PARD3: variants seen among roughly 807,000 people sequenced by gnomAD.
The protein encoded by PARD3 is partitioning defective 3 homolog.
A neutral mutation model predicts 155.4 loss-of-function variants in PARD3; 75 were observed. The observed-to-expected ratio is 0.48, with a 90% CI of 0.40 to 0.58. The LOEUF (loss-of-function observed/expected upper bound fraction) is 0.58. Ranked by LOEUF, PARD3 falls within the 20% of genes least tolerant of loss-of-function variation. PARD3 has a pLI of 0.00. For missense variants in PARD3, 1,642 were observed against 1,721.7 expected (o/e 0.95, Z 0.82); for synonymous variants, 576 against 610.5 (o/e 0.94, Z 0.83).
intron 2 of PARD3, among the ~76,000 whole-genome samples, chr10:34,587,931 G>A (rs1446260968): frequency 6.6e-6 from 1 of 152,162 alleles, no homozygotes; most frequent in Non-Finnish European, 1.5e-5. Context: ...CACAATAGGT[G>A]TCTTGCTCTG....
chr10:34,411,336 A>AT (rs1201465683), intron 5 of PARD3, among the ~76,000 whole-genome samples: 4 of 152,198 alleles, frequency 2.6e-5, no homozygotes, highest in Non-Finnish European at 4.4e-5. Flanking sequence ...ACATCCAGAC[A>AT]TTTGGCCCAA....
intron 18 of PARD3, among the ~76,000 whole-genome samples, chr10:34,332,978 C>G (rs2134243708): frequency 6.6e-6 from 1 of 152,156 alleles, no homozygotes; most frequent in Admixed American, 6.5e-5. Flanking sequence ...AAGATCATTC[C>G]TGGGCAGGGA....
chr10:34,129,698 C>CTTTT (rs1346445542), intron 23 of PARD3, among the ~76,000 whole-genome samples: 1 of 59,714 alleles, frequency 1.7e-5, no homozygotes, highest in African/African-American at 5.5e-5. Flanking sequence ...AATGTCAAGC[C>CTTTT]TCTTTTTTTT....
intron 22 of PARD3, among the ~76,000 whole-genome samples, chr10:34,247,635 G>A (rs1196382042): frequency 6.6e-6 from 1 of 152,134 alleles, no homozygotes; most frequent in African/African-American, 2.4e-5. Context: ...GGAACATAAA[G>A]AGGAGAGAAA....
intron 2 of PARD3, among the ~76,000 whole-genome samples, chr10:34,527,271 C>T (rs1215870253): frequency 6.6e-6 from 1 of 152,140 alleles, no homozygotes; most frequent in Non-Finnish European, 1.5e-5. Context: ...GATGGTATTT[C>T]CAACTCTAAG....
intron 7 of PARD3, among the ~76,000 whole-genome samples, chr10:34,389,152 C>T (rs937363317): frequency 5.8e-5 from 8 of 138,734 alleles, no homozygotes; most frequent in African/African-American, 8.1e-5. Context: ...CCGCTGCATA[C>T]AAATATCACT....
In PARD3 at chr10:34,486,026, C is replaced by T. The variant is rs117034516; in HGVS notation, c.404-15763G>A. Among the ~76,000 whole-genome samples the T allele has an allele frequency of 1.1e-3, 167 of 150,476 alleles. 1 individual carries two copies. In the East Asian group the frequency reaches 0.03, roughly 27 times the overall value. Reference sequence around the variant, plus strand: ...GCATCCTTGAACTCCCAGGCTCACACGATCCTCCTGCCTCAGCTTACCAAG... The same window carrying T: ...GCATCCTTGAACTCCCAGGCTCACATGATCCTCCTGCCTCAGCTTACCAAG... On this transcript the variant is annotated intron_variant, in intron 3 of 24. Transcript: ENST00000374788.
At position 34,284,235 on chromosome 10, in the gene PARD3, G is replaced by A; in HGVS notation, c.3076C>T (p.His1026Tyr). 6.2e-7 allele frequency: 1 copy of A among 1,603,382 alleles called. No homozygotes were observed. The highest frequency in any genetic ancestry group is 1.3e-5 in the African/African-American group (1 of 74,468). ...GLGDMFRFGKHRKDDKIEKTG... is the reference protein window; with the variant it reads ...GLGDMFRFGKYRKDDKIEKTG... Reference sequence around the variant, plus strand: ...TTCTCAATCTTGTCATCTTTTCGATGTTTGCCAAACCTGTTAATAACAAAA... The same window carrying A: ...TTCTCAATCTTGTCATCTTTTCGATATTTGCCAAACCTGTTAATAACAAAA... The change falls in exon 21 of 25, where the codon CAT becomes TAT. Residue 1026 changes from histidine (H) to tyrosine (Y), a missense_variant. Transcript: ENST00000374788.
At chr10:34,402,943 C>T (rs1844052632) in intron 5 of PARD3, among the ~76,000 whole-genome samples, 1 of 152,116 alleles carries the variant, frequency 6.6e-6, no homozygotes, top group East Asian at 1.9e-4. Flanking sequence ...TAAAAGTTGG[C>T]TTTTCAAAAT....
intron 1 of PARD3, among the ~76,000 whole-genome samples, chr10:34,748,951 C>T (rs1835649868): frequency 6.6e-6 from 1 of 152,238 alleles, no homozygotes; most frequent in African/African-American, 2.4e-5. Context: ...AGGCCCTTCA[C>T]AGTGGATGTT....
chr10:34,700,196 C>T (rs1008500024), intron 1 of PARD3, among the ~76,000 whole-genome samples: 1 of 152,152 alleles, frequency 6.6e-6, no homozygotes, highest in South Asian at 2.1e-4. Flanking sequence ...CCAAACCCAC[C>T]GAAGAAACCT....
intron 2 of PARD3, among the ~76,000 whole-genome samples, chr10:34,607,414 T>A (rs530045209): frequency 6.6e-6 from 1 of 152,210 alleles, no homozygotes; most frequent in Non-Finnish European, 1.5e-5. Flanking sequence ...GAATTCTTAA[T>A]GCATAACAGC....
chr10:34,352,738 C>T (rs187163139), intron 14 of PARD3, among the ~76,000 whole-genome samples: 4 of 152,324 alleles, frequency 2.6e-5, no homozygotes, highest in African/African-American at 9.6e-5. Context: ...CCCAAAGTGC[C>T]GAGATTGCAG....
chr10:34,111,122 G>GA lies in PARD3; in HGVS notation c.*46dup, dbSNP rs1216593193. The GA allele has an allele frequency of 2.0e-6, 3 of 1,507,056 alleles. No individual in the cohort carries two copies. The highest frequency in any genetic ancestry group is 2.7e-6 in the Non-Finnish European group (3 of 1,127,316). The allele number at this position is 1,507,056 out of a possible 1,614,324, so 93.4% of individuals were successfully genotyped here. Reference sequence around the variant, plus strand: ...ACTCCCAAAATACAAGTCTTCATAGGAAAATGTCTTTTATTGCGCGACATG... The same window carrying GA: ...ACTCCCAAAATACAAGTCTTCATAGGAAAAATGTCTTTTATTGCGCGACATG... On this transcript the variant is annotated 3_prime_UTR_variant, in exon 25 of 25. Coordinates refer to ENST00000374788, the MANE Select transcript of PARD3 (RefSeq NM_001184785.2).
chr10:34,227,877 TATATATAC>T (rs1952697699), intron 22 of PARD3, among the ~76,000 whole-genome samples: 1 of 137,492 alleles, frequency 7.3e-6, no homozygotes. Context: ...TATATATATA[TATATATAC>T]TGGGAATATA....
intron 2 of PARD3, among the ~76,000 whole-genome samples, chr10:34,532,636 G>T (rs1055060535): frequency 2.6e-5 from 4 of 152,140 alleles, no homozygotes; most frequent in African/African-American, 9.7e-5. Flanking sequence ...CAGATTCATA[G>T]ATCCTTGTTC....
At chr10:34,695,239 G>A (rs970140031) in intron 2 of PARD3, among the ~76,000 whole-genome samples, 2 of 152,144 alleles carry the variant, frequency 1.3e-5, no homozygotes, top group Admixed American at 1.3e-4. Flanking sequence ...CACTTTGAGA[G>A]GCCAAAGCAG....
At position 34,335,808 on chromosome 10, in the gene PARD3, ACT is replaced by A. The variant is rs568194536; in HGVS notation, c.2605+389_2605+390del. Reference sequence around the variant, plus strand: ...TATTATCTTTCAAATCAAAATCACCACTCTGAGAATCACTTTTTGGATGTTAA... The same window carrying A: ...TATTATCTTTCAAATCAAAATCACCACTGAGAATCACTTTTTGGATGTTAA... On this transcript the variant is annotated intron_variant, in intron 18 of 24. Transcript: ENST00000374788. 4.2e-3 allele frequency among the ~76,000 whole-genome samples: 636 copies of A among 152,046 alleles called. 1 individual carries two copies. The highest frequency in any genetic ancestry group is 7.6e-3 in the Non-Finnish European group (514 of 67,908).
At chr10:34,281,003 T>G (rs1956130546) in intron 21 of PARD3, among the ~76,000 whole-genome samples, 1 of 152,168 alleles carries the variant, frequency 6.6e-6, no homozygotes, top group African/African-American at 2.4e-5. Flanking sequence ...TACCACATAG[T>G]GTATATACTA....
Sources: gnomAD v4.1 joint callset for allele counts (sites outside exome capture counted in the v4.1 genomes callset) on GRCh38, gnomAD v4.1.1 for gene constraint, MANE v1.5 for transcripts, NCBI Gene and HGNC (gene_info 2026-07-23, HGNC 2026-07-21) for gene names.